MACROD1: variants seen among roughly 807,000 people sequenced by gnomAD.
The protein encoded by MACROD1 is ADP-ribose glycohydrolase MACROD1.
Under a neutral mutation model 41.4 loss-of-function variants are expected in MACROD1, and 31 were observed. The ratio of observed to expected loss-of-function variants is 0.75; its 90% CI spans 0.56 to 1.01. The LOEUF is 1.01. Among genes scored for constraint, MACROD1 ranks in the 50% least tolerant of loss-of-function variants. MACROD1 has a pLI of 0.00. For synonymous variants in MACROD1, 252 were observed against 203.4 expected (o/e 1.24, Z -2.03); for missense variants, 473 against 460.0 (o/e 1.03, Z -0.26).
rs139254051 is a variant in MACROD1 at position 64,114,548 on chromosome 11, CATGG to C, written c.517+36687_517+36690del. On this transcript the variant is annotated intron_variant, in intron 3 of 10. Transcript: ENST00000255681. ...GGACAGGTGGATGTATGGATTGATG[CATGG>C]ATGGATGGATGGATGGATGGACAGG... Among the ~76,000 whole-genome samples, 338 of 136,108 alleles carry C rather than the reference CATGG, an allele frequency of 2.5e-3. 1 individual carries two copies. Among genetic ancestry groups the C allele is most frequent in the African/African-American group, 9.3e-3 (313 of 33,482 alleles). The allele number at this position is 136,108 out of a possible 152,430, so 89.3% of individuals were successfully genotyped here. A position where few individuals can be genotyped will look rare whatever the true frequency, so the allele number is the denominator to read the frequency against.
intron 3 of MACROD1, among the ~76,000 whole-genome samples, chr11:64,130,853 C>T (rs1945255776): frequency 6.6e-6 from 1 of 152,250 alleles, no homozygotes; most frequent in African/African-American, 2.4e-5. Flanking sequence ...CAAATGAAAT[C>T]CTGCACTCCC....
At chr11:64,160,534 G>T (rs1031120938) in intron 1 of MACROD1, among the ~76,000 whole-genome samples, 12 of 152,222 alleles carry the variant, frequency 7.9e-5, no homozygotes, top group African/African-American at 2.4e-4. Flanking sequence ...GCCAGGCACA[G>T]TGGCACACAT....
chr11:64,023,516 G>C (rs1943185811), intron 3 of MACROD1, among the ~76,000 whole-genome samples: 1 of 152,198 alleles, frequency 6.6e-6, no homozygotes. Flanking sequence ...CCTGGGGGCA[G>C]AAGGTCCCAG....
chr11:64,080,471 C>T (rs1370175015), intron 3 of MACROD1, among the ~76,000 whole-genome samples: 1 of 152,092 alleles, frequency 6.6e-6, no homozygotes, highest in African/African-American at 2.4e-5. Context: ...AATTCCAGAA[C>T]ATTTTCATCC....
intron 3 of MACROD1, among the ~76,000 whole-genome samples, chr11:64,109,390 G>T (rs1944820611): frequency 6.6e-6 from 1 of 152,112 alleles, no homozygotes; most frequent in South Asian, 2.1e-4. Flanking sequence ...TGCTCCCCCA[G>T]ACCTGGGAAA....
chr11:64,003,145 C>G (rs1317727453), intron 4 of MACROD1, among the ~76,000 whole-genome samples: 4 of 152,168 alleles, frequency 2.6e-5, no homozygotes, highest in African/African-American at 7.2e-5. Flanking sequence ...AGAAGATGGC[C>G]CCTAAGGCCC....
intron 3 of MACROD1, among the ~76,000 whole-genome samples, chr11:64,055,149 C>T (rs377425287): frequency 6.6e-6 from 1 of 152,226 alleles, no homozygotes; most frequent in East Asian, 1.9e-4. Context: ...TTAGTTGTCC[C>T]CAGATCCACC....
At chr11:64,022,867 A>ATTTTTT (rs922794608) in intron 3 of MACROD1, among the ~76,000 whole-genome samples, 13 of 90,766 alleles carry the variant, frequency 1.4e-4, no homozygotes, top group Non-Finnish European at 1.4e-4. Flanking sequence ...TTCCACATGG[A>ATTTTTT]TTTTTTTTTT....
At chr11:64,015,345 G>A (rs1390292743) in intron 3 of MACROD1, 64 bp from the exon 4 acceptor site, 1 of 1,488,674 alleles carries the variant, frequency 6.7e-7, no homozygotes, top group Non-Finnish European at 9.1e-7. Flanking sequence ...TATCAGCCTT[G>A]AGGGGAGGGT....
chr11:64,013,674 C>T (rs1943044531), intron 4 of MACROD1, among the ~76,000 whole-genome samples: 2 of 152,152 alleles, frequency 1.3e-5, no homozygotes, highest in South Asian at 4.1e-4. Context: ...CTTTGTGATC[C>T]TTTATCTTCC....
intron 3 of MACROD1, among the ~76,000 whole-genome samples, chr11:64,046,463 C>G (rs1943585923): frequency 6.6e-6 from 1 of 152,194 alleles, no homozygotes; most frequent in African/African-American, 2.4e-5. Context: ...CCTACCCTTG[C>G]CCTGGACCCC....
At chr11:64,076,691 G>A (rs185511377) in intron 3 of MACROD1, among the ~76,000 whole-genome samples, 19 of 152,314 alleles carry the variant, frequency 1.2e-4, no homozygotes, top group African/African-American at 4.3e-4. Flanking sequence ...CTCAGAAAGA[G>A]GTTGGTCCTC....
At chr11:64,101,147 G>A (rs1406546513) in intron 3 of MACROD1, among the ~76,000 whole-genome samples, 1 of 152,114 alleles carries the variant, frequency 6.6e-6, no homozygotes, top group Non-Finnish European at 1.5e-5. Context: ...TGCAGGGAGG[G>A]AGGGATGACG....
rs1206465388 is a variant in MACROD1 at position 64,165,960 on chromosome 11, G to A, written c.35C>T (p.Ala12Val). Residue 12 changes from alanine (A) to valine (V), a missense_variant, in exon 1 of 11, where the codon GCA becomes GTA. Transcript: ENST00000255681. The stretch of plus-strand genomic sequence containing the variant: ...CAGCTGCCCCGCCGCGCGCAGCTGT[G>A]CCAGGCGGCCGGACAGTCGGCTCTG... ...SLQSRLSGRL[A>V]QLRAAGQLLV... The A allele has an allele frequency of 2.3e-6, 3 of 1,299,686 alleles. No homozygotes were observed. Among genetic ancestry groups the A allele is most frequent in the Non-Finnish European group, 1.9e-6 (2 of 1,030,562 alleles). The allele number at this position is 1,299,686 out of a possible 1,614,324, so 80.5% of individuals were successfully genotyped here.
rs184663157 is a variant in MACROD1, at chr11:64,126,583, G to A, written c.517+24656C>T. 4.8e-4 allele frequency among the ~76,000 whole-genome samples: 73 copies of A among 152,138 alleles called. 1 individual carries two copies. Among genetic ancestry groups the A allele is most frequent in the Admixed American group, 1.1e-3 (17 of 15,290 alleles). On this transcript the variant is annotated intron_variant, in intron 3 of 10. Coordinates refer to ENST00000255681, the MANE Select transcript of MACROD1 (RefSeq NM_014067.4). ...ACAGGTTATTTGTATCTTATGTGGT[G>A]TCGTAAAGCATTCTGGAGTGGCACA...
chr11:64,104,553 CG>C (rs1944725468), intron 3 of MACROD1, among the ~76,000 whole-genome samples: 1 of 152,048 alleles, frequency 6.6e-6, no homozygotes, highest in Non-Finnish European at 1.5e-5. Flanking sequence ...GAGGCCTTGG[CG>C]GGGTGGTGGG....
At position 64,146,738 on chromosome 11, in the gene MACROD1, GCA is replaced by G. The variant is rs754300993; in HGVS notation, c.517+4499_517+4500del. Among the ~76,000 whole-genome samples, 5 of 151,380 alleles carry G rather than the reference GCA, an allele frequency of 3.3e-5. No homozygotes were observed. Among genetic ancestry groups the G allele is most frequent in the Non-Finnish European group, 5.9e-5 (4 of 67,834 alleles). On this transcript the variant is annotated intron_variant, in intron 3 of 10. Transcript: ENST00000255681. This position sits in a 1 kb window ranked among gnomAD's most constrained non-coding sequence, Gnocchi z 4.7. Reference sequence around the variant, plus strand: ...CACCCACACCCCATGCATCACACAAGCACAGACACACACACATCACGCACACA... The same window carrying G: ...CACCCACACCCCATGCATCACACAAGCAGACACACACACATCACGCACACA...
intron 1 of MACROD1, among the ~76,000 whole-genome samples, chr11:64,163,503 C>G (rs1301633060): frequency 6.6e-6 from 1 of 152,138 alleles, no homozygotes; most frequent in Non-Finnish European, 1.5e-5. Context: ...CCTCACGATC[C>G]CTCTCGTGGA....
chr11:64,148,994 G>C (rs1054357922), intron 3 of MACROD1: 1 of 985,286 alleles, frequency 1.0e-6, no homozygotes, highest in South Asian at 4.7e-5. Context: ...GTCATTCCCT[G>C]GGATTCCAGG....
Sources: allele counts gnomAD v4.1 joint callset (sites outside exome capture counted in the v4.1 genomes callset), GRCh38; gene constraint gnomAD v4.1.1; non-coding constraint Gnocchi (gnomAD v3.1); transcripts MANE v1.5; gene names NCBI Gene and HGNC (gene_info 2026-07-23, HGNC 2026-07-21).